CUBN: variants seen among roughly 807,000 people sequenced by gnomAD.
CUBN encodes 460 kDa receptor.
CUBN carries 282 observed loss-of-function variants against 405.3 expected under a neutral mutation model. The observed-to-expected ratio is 0.70, with a 90% CI of 0.63 to 0.77. The LOEUF is 0.77. Among genes scored for constraint, CUBN ranks in the 30% least tolerant of loss-of-function variants. The probability of loss-of-function intolerance (pLI) is 0.00; values close to 1 mark genes in which losing one functional copy is unlikely to be tolerated. For synonymous variants in CUBN, 1,684 were observed against 1,617.0 expected, an observed-to-expected ratio of 1.04 and a Z score of -0.99; for missense variants, 4,514 against 4,475.2, an observed-to-expected ratio of 1.01 and a Z score of -0.25.
chr10:16,990,350 T>G lies in CUBN; in HGVS notation c.4334A>C (p.Asn1445Thr), dbSNP rs1190189616. Residue 1445 changes from asparagine (N) to threonine (T), a missense_variant, in exon 29 of 67, where the codon AAC becomes ACC. By Grantham distance (65) the Asn-to-Thr change is moderately conservative. This residue lies in a region of CUBN where 1,613 missense variants were observed against 1,542.8 expected (regional missense o/e 1.05). Transcript: ENST00000377833. Reference sequence around the variant, plus strand: ...ACTTCCTACCTCCAAGACATCAAAGTTGCACCTTGAATGATACTCCACATC... The same window carrying G: ...ACTTCCTACCTCCAAGACATCAAAGGTGCACCTTGAATGATACTCCACATC... ...DFDVEYHSRC[N>T]FDVLEIYGGP... 1 of 1,614,112 alleles carries G rather than the reference T, an allele frequency of 6.2e-7. No individual in the cohort carries two copies. The highest frequency in any genetic ancestry group is 8.5e-7 in the Non-Finnish European group (1 of 1,180,018).
At chr10:17,123,728 G>C in intron 4 of CUBN, 39 bp from the exon 5 acceptor site, 1 of 1,447,818 alleles carries the variant, frequency 6.9e-7, no homozygotes. Flanking sequence ...ATGACTTGCA[G>C]TCAGCAGCAA....
rs569327409 is a variant in CUBN at position 16,990,634 on chromosome 10, C to T, written c.4169-119G>A. 2.6e-4 allele frequency: 199 copies of T among 756,332 alleles called. 1 individual carries two copies. The African/African-American group carries it at 3.0e-3, about 11-fold the overall frequency. The allele number at this position is 756,332 out of a possible 1,614,324, so 46.9% of individuals were successfully genotyped here. A position where few individuals can be genotyped will look rare whatever the true frequency, so the allele number is the denominator to read the frequency against. The stretch of plus-strand genomic sequence containing the variant: ...TACAATGCTTAATTTAGGAGAAAAC[C>T]GTTAAGTTACAATAAAGTTATAATT... On this transcript the variant is annotated intron_variant, in intron 28 of 66. Coordinates refer to ENST00000377833, the MANE Select transcript of CUBN (RefSeq NM_001081.4).
chr10:16,914,756 A>G (rs1301038738), intron 47 of CUBN, among the ~76,000 whole-genome samples: 1 of 152,114 alleles, frequency 6.6e-6, no homozygotes, highest in Non-Finnish European at 1.5e-5. Flanking sequence ...GGTTTGCAGT[A>G]AGACAAATTC....
At chr10:16,840,560 C>T (rs1839316058) in intron 61 of CUBN, 25 bp from the exon 62 acceptor site, 1 of 1,529,986 alleles carries the variant, frequency 6.5e-7, no homozygotes, top group Admixed American at 1.9e-5. Flanking sequence ...AAAAGCAACA[C>T]AGGAGACATT....
intron 9 of CUBN, among the ~76,000 whole-genome samples, chr10:17,110,160 C>T (rs1407277882): frequency 1.3e-5 from 2 of 152,094 alleles, no homozygotes; most frequent in Non-Finnish European, 2.9e-5. Context: ...GGTAGTAATT[C>T]GATTTAGATT....
intron 21 of CUBN, among the ~76,000 whole-genome samples, chr10:17,066,803 T>C (rs781606585): frequency 2.1e-4 from 32 of 152,018 alleles, no homozygotes; most frequent in Non-Finnish European, 4.3e-4. Flanking sequence ...ATAAAGACAT[T>C]TTAAAATATC....
chr10:17,088,316 C>G lies in CUBN; in HGVS notation c.1795G>C (p.Gly599Arg), dbSNP rs763407147. 6.2e-7 allele frequency: 1 copy of G among 1,612,930 alleles called. No homozygotes were observed. Residue 599 changes from glycine (G) to arginine (R), a missense_variant, in exon 15 of 67, where the codon GGT becomes CGT. By Grantham distance (125) the Gly-to-Arg change is moderately radical. Coordinates refer to ENST00000377833, the MANE Select transcript of CUBN (RefSeq NM_001081.4). ...ECGGILTGPY[G>R]SIKSPGYPGN... ...GGATACCCCGGAGACTTAATAGAAC[C>G]GTAAGGACCAGTCAGGATACCTCCA... is the stretch of plus-strand genomic sequence containing the variant.
Position 16,901,686 on chromosome 10 carries a change from T to C in CUBN, c.8063-227A>G, listed in dbSNP as rs551281216. Among the ~76,000 whole-genome samples, 67 of 151,750 alleles carry C rather than the reference T, an allele frequency of 4.4e-4. 1 individual carries two copies. The South Asian group carries it at 0.014, about 32-fold the overall frequency. ...CTGGCCAACATGGTGAAACCCCATC[T>C]CAACTAAAAATACAAAAATTAGCTG... On this transcript the variant is annotated intron_variant, in intron 51 of 66. Transcript: ENST00000377833.
chr10:16,915,849 G>A lies in CUBN; in HGVS notation c.7182C>T (p.Phe2394=), dbSNP rs745660662. 21 of 1,613,566 alleles carry A rather than the reference G, an allele frequency of 1.3e-5. 1 individual carries two copies. Among genetic ancestry groups the A allele is most frequent in the Admixed American group, 5.0e-5 (3 of 59,994 alleles). ...LQNSSGCEKD[F]VEIWDNHTSG... ...AGGTATGATTGTCCCAGATCTCCAC[G>A]AAGTCTTTTTCACAGCCAGAAGAAT... is the stretch of plus-strand genomic sequence containing the variant. The change falls in exon 46 of 67, where the codon TTC becomes TTT. Residue 2394 remains phenylalanine (F), a synonymous_variant. Coordinates refer to ENST00000377833, the MANE Select transcript of CUBN (RefSeq NM_001081.4).
rs1444006396 is a variant in CUBN at position 16,840,115 on chromosome 10, C to T, written c.10032+215G>A. On this transcript the variant is annotated intron_variant, in intron 62 of 66. Transcript: ENST00000377833. ...GGAGGGATAGCATTAGGAGATATAC[C>T]TAATGTTAAATGACGAGTTAATGGG... Among the ~76,000 whole-genome samples the T allele has an allele frequency of 1.3e-5, 2 of 151,252 alleles. 1 individual carries two copies. Among genetic ancestry groups the T allele is most frequent in the Admixed American group, 1.3e-4 (2 of 15,198 alleles).
At chr10:16,838,014 C>T (rs567995940) in intron 62 of CUBN, among the ~76,000 whole-genome samples, 1 of 152,286 alleles carries the variant, frequency 6.6e-6, no homozygotes, top group South Asian at 2.1e-4. Context: ...CCCAAAGGGC[C>T]TGTTCCACTT....
intron 45 of CUBN, 69 bp downstream of exon 45, chr10:16,918,553 A>G: frequency 8.2e-7 from 1 of 1,218,080 alleles, no homozygotes; most frequent in East Asian, 2.5e-5. Context: ...CCAAACACGA[A>G]TTTACCTATA....
In CUBN at chr10:17,047,596, C is replaced by A; in HGVS notation, c.3147G>T (p.Leu1049Phe). The change falls in exon 23 of 67, where the codon TTG becomes TTT. Residue 1049 changes from leucine (L) to phenylalanine (F), a missense_variant. Coordinates refer to ENST00000377833, the MANE Select transcript of CUBN (RefSeq NM_001081.4). ...YEAISAATAC[L>F]QDYTDDLGTF... ...TCCCCAAATCATCTGTGTAGTCTTGCAAACATGCTGTGAACAGAAACAGAC... is the reference window on the plus strand; with the variant it reads ...TCCCCAAATCATCTGTGTAGTCTTGAAAACATGCTGTGAACAGAAACAGAC... 6.2e-7 allele frequency: 1 copy of A among 1,613,760 alleles called. No individual in the cohort carries two copies. The highest frequency in any genetic ancestry group is 8.5e-7 in the Non-Finnish European group (1 of 1,179,766).
chr10:16,898,109 C>T (rs1841247196), intron 54 of CUBN, among the ~76,000 whole-genome samples: 1 of 147,566 alleles, frequency 6.8e-6, no homozygotes, highest in African/African-American at 2.6e-5. Flanking sequence ...ATGAGATTTT[C>T]ATTTAAACAG....
In CUBN at chr10:17,114,128, G is replaced by C. The variant is rs745555225; in HGVS notation, c.782C>G (p.Thr261Arg). 6.2e-7 allele frequency: 1 copy of C among 1,613,558 alleles called. No homozygotes were observed. Among genetic ancestry groups the C allele is most frequent in the African/African-American group, 1.3e-5 (1 of 74,924 alleles). The change falls in exon 8 of 67, where the codon ACG (threonine) becomes AGG (arginine). Residue 261 changes from threonine to arginine, a missense_variant. Around this residue, in one of 5 missense-constraint regions of CUBN, gnomAD observed 1,448 missense variants for 1,388.0 expected, o/e 1.04. Transcript: ENST00000377833. ...GAAGCTGCACTCGTCTCTGTCCAGC[G>C]TGCAGGCAGGGCTGTTGGGTGAAAA... is the stretch of plus-strand genomic sequence containing the variant. ...WMFSPNSPAC[T>R]LDRDECSFQP...
rs867111934 is a variant in CUBN, at chr10:17,068,753, A to C, written c.2643T>G (p.Ile881Met). The change falls in exon 20 of 67, where the codon ATT (isoleucine) becomes ATG (methionine). Residue 881 changes from isoleucine to methionine, a missense_variant. Transcript: ENST00000377833. ...ACTTTTTATTTTCAGGAGAACCCAA[A>C]ATGGAACTGCTACCAATCTAAAATT... ...TDYVEIGSSS[I>M]LGSPENKKYC... 3.7e-6 allele frequency: 6 copies of C among 1,611,618 alleles called. No individual in the cohort carries two copies. Among genetic ancestry groups the C allele is most frequent in the Middle Eastern group, 3.3e-4 (2 of 6,000 alleles).
Position 16,994,959 on chromosome 10 carries a change from T to C in CUBN, c.4169-4444A>G, listed in dbSNP as rs3847366. On this transcript the variant is annotated intron_variant, in intron 28 of 66. Transcript: ENST00000377833. ...TGCAAAAATTAGCTGGGCGTGGTGG[T>C]ATGCGCCTGTAATCTCAACTATTCA... Among the ~76,000 whole-genome samples the C allele has an allele frequency of 6.5e-3, 991 of 152,164 alleles. 14 individuals carry two copies. The highest frequency in any genetic ancestry group is 0.023 in the African/African-American group (959 of 41,526).
chr10:17,129,334 C>G (rs1837268512), intron 1 of CUBN, 84 bp from the exon 2 acceptor site: 1 of 1,458,192 alleles, frequency 6.9e-7, no homozygotes, highest in African/African-American at 1.4e-5. Flanking sequence ...TACTGAATAA[C>G]TACAGGCCAA....
chr10:16,886,197 CT>C (rs1840808889), intron 56 of CUBN, among the ~76,000 whole-genome samples: 1 of 152,200 alleles, frequency 6.6e-6, no homozygotes, highest in Middle Eastern at 3.4e-3. Flanking sequence ...AACACATGTG[CT>C]GAAAATTACA....
Sources: gnomAD v4.1 joint callset for allele counts (sites outside exome capture counted in the v4.1 genomes callset) on GRCh38, gnomAD v4.1.1 for gene constraint, gnomAD v4.1.1 regional missense constraint, MANE v1.5 for transcripts, NCBI Gene and HGNC (gene_info 2026-07-23, HGNC 2026-07-21) for gene names.